The following OPCML variants were observed in gnomAD, a reference collection of about 807,000 sequenced individuals.
OPCML encodes opioid-binding protein/cell adhesion molecule.
Under a neutral mutation model 37.8 loss-of-function variants are expected in OPCML, and 13 were observed. The observed-to-expected ratio is 0.34, with a 90% CI of 0.22 to 0.55. OPCML has a LOEUF of 0.55. Among genes scored for constraint, OPCML ranks in the 20% least tolerant of loss-of-function variants. OPCML has a pLI of 0.91. For missense variants in OPCML, 341 were observed against 435.6 expected (o/e 0.78, Z 1.93); for synonymous variants, 176 against 168.8 (o/e 1.04, Z -0.33).
intron 1 of OPCML, among the ~76,000 whole-genome samples, chr11:133,443,144 AC>A (rs1403096136): frequency 1.4e-4 from 22 of 152,214 alleles, no homozygotes; most frequent in Non-Finnish European, 2.5e-4. Context: ...ATAGTTGCAT[AC>A]CATCACAGCA....
At chr11:132,485,256 C>T (rs1281771977) in intron 4 of OPCML, among the ~76,000 whole-genome samples, 1 of 152,120 alleles carries the variant, frequency 6.6e-6, no homozygotes, top group Non-Finnish European at 1.5e-5. Flanking sequence ...CATGCATTTA[C>T]CTCATAAATA....
chr11:133,390,903 T>A (rs1945160925), intron 1 of OPCML, among the ~76,000 whole-genome samples: 4 of 152,180 alleles, frequency 2.6e-5, no homozygotes. Flanking sequence ...GCAATAAAAC[T>A]TCAATGGCTC....
At chr11:132,827,415 C>A (rs1205861281) in intron 2 of OPCML, among the ~76,000 whole-genome samples, 1 of 152,152 alleles carries the variant, frequency 6.6e-6, no homozygotes. Context: ...ACACCAAATT[C>A]TGGCAAAGAT....
chr11:132,643,564 C>G (rs73593145), intron 3 of OPCML, among the ~76,000 whole-genome samples: 7,215 of 152,240 alleles, frequency 0.047, 427 homozygotes, highest in African/African-American at 0.14. Flanking sequence ...GACTCTCGAC[C>G]TTCCTCTGCT....
At chr11:132,917,146 T>C (rs140315327) in intron 2 of OPCML, among the ~76,000 whole-genome samples, 7 of 152,266 alleles carry the variant, frequency 4.6e-5, no homozygotes, top group Middle Eastern at 3.4e-3. Flanking sequence ...ACAAATACCG[T>C]ACGCTCTAGT....
chr11:132,442,088 G>T (rs114107715), intron 4 of OPCML, among the ~76,000 whole-genome samples: 32 of 152,204 alleles, frequency 2.1e-4, no homozygotes, highest in Admixed American at 2.1e-3. Flanking sequence ...TGTGTCAGAC[G>T]CTGTGGTGAG....
At chr11:132,548,663 C>G (rs566566451) in intron 3 of OPCML, among the ~76,000 whole-genome samples, 1 of 152,130 alleles carries the variant, frequency 6.6e-6, no homozygotes. Context: ...GGGGATCTCC[C>G]GGTTTGGGAG....
intron 1 of OPCML, among the ~76,000 whole-genome samples, chr11:133,487,775 TTGTG>T (rs10625092): frequency 0.11 from 16,216 of 147,364 alleles, 1,401 homozygotes; most frequent in African/African-American, 0.25. Context: ...TACTCTGTGT[TTGTG>T]TGTGTGTGTG....
intron 1 of OPCML, among the ~76,000 whole-genome samples, chr11:133,074,498 A>C (rs371773078): frequency 1.3e-5 from 2 of 152,284 alleles, no homozygotes; most frequent in South Asian, 4.1e-4. Flanking sequence ...GGGAGAAGAA[A>C]GTATAAACTC....
intron 2 of OPCML, among the ~76,000 whole-genome samples, chr11:132,790,014 T>C (rs192808399): frequency 3.3e-3 from 504 of 152,300 alleles, no homozygotes; most frequent in African/African-American, 0.012. Flanking sequence ...TCTTCATAAG[T>C]GTACGAAAAC....
At chr11:132,539,659 T>C (rs2096350834) in intron 3 of OPCML, among the ~76,000 whole-genome samples, 1 of 151,912 alleles carries the variant, frequency 6.6e-6, no homozygotes. Flanking sequence ...ATGGTAAAGA[T>C]AGTGATGGTG....
chr11:133,406,810 G>A (rs749984187), intron 1 of OPCML, among the ~76,000 whole-genome samples: 4 of 152,146 alleles, frequency 2.6e-5, no homozygotes, highest in Admixed American at 1.3e-4. Context: ...CAGGCCATCC[G>A]GCTGGAATGG....
At chr11:132,807,964 C>T (rs1238552387) in intron 2 of OPCML, among the ~76,000 whole-genome samples, 2 of 152,160 alleles carry the variant, frequency 1.3e-5, no homozygotes, top group African/African-American at 2.4e-5. Flanking sequence ...AAAGAAATCA[C>T]GTATTACATG....
chr11:133,478,558 A>G (rs1450542527), intron 1 of OPCML, among the ~76,000 whole-genome samples: 1 of 152,176 alleles, frequency 6.6e-6, no homozygotes, highest in African/African-American at 2.4e-5. Context: ...GAATCATTGT[A>G]TATTGCAAAT....
intron 2 of OPCML, among the ~76,000 whole-genome samples, chr11:132,714,457 T>C (rs958638692): frequency 6.6e-6 from 1 of 152,166 alleles, no homozygotes; most frequent in Non-Finnish European, 1.5e-5. Context: ...CAAAAGCACA[T>C]CTTCTTCTAC....
chr11:133,464,928 A>C (rs879262771), intron 1 of OPCML, among the ~76,000 whole-genome samples: 1 of 152,122 alleles, frequency 6.6e-6, no homozygotes, highest in Non-Finnish European at 1.5e-5. Context: ...AGCTCTGAGC[A>C]GTGGCTGCAG....
chr11:132,712,093 G>T (rs967928111), intron 2 of OPCML, among the ~76,000 whole-genome samples: 2 of 152,190 alleles, frequency 1.3e-5, no homozygotes, highest in African/African-American at 4.8e-5. Context: ...TAGGGTGGTG[G>T]CAGGAAGCCA....
intron 1 of OPCML, among the ~76,000 whole-genome samples, chr11:133,433,427 T>C (rs1432389412): frequency 6.6e-6 from 1 of 152,222 alleles, no homozygotes; most frequent in Non-Finnish European, 1.5e-5. Flanking sequence ...CACTATACTA[T>C]GAGCACTGAC....
intron 1 of OPCML, among the ~76,000 whole-genome samples, chr11:133,116,973 G>T (rs901004788): frequency 1.1e-4 from 17 of 152,134 alleles, no homozygotes; most frequent in African/African-American, 4.1e-4. Flanking sequence ...TACTGTAGAA[G>T]ATATTTTTTC....
Sources: gnomAD v4.1 joint callset for allele counts (sites outside exome capture counted in the v4.1 genomes callset) on GRCh38, gnomAD v4.1.1 for gene constraint, MANE v1.5 for transcripts, NCBI Gene and HGNC (gene_info 2026-07-23, HGNC 2026-07-21) for gene names.